The following NSD2 variants were observed in gnomAD, a reference collection of about 807,000 sequenced individuals.
NSD2 encodes histone-lysine N-methyltransferase NSD2.
In NSD2, 12 loss-of-function variants were observed where a neutral mutation model predicts 139.0. That is an observed-to-expected ratio of 0.09 (90% confidence interval 0.06 to 0.14). NSD2 has a LOEUF of 0.14. NSD2 is among the 10% of genes least tolerant of loss of function. NSD2 has a pLI of 1.00. For missense variants in NSD2, 1,155 were observed against 1,745.0 expected, an observed-to-expected ratio of 0.66 and a Z score of 6.02; for synonymous variants, 669 against 648.7, an observed-to-expected ratio of 1.03 and a Z score of -0.48.
Position 1,978,763 on chromosome 4 carries a change from G to T in NSD2, c.3952G>T (p.Asp1318Tyr). 6.2e-7 allele frequency: 1 copy of T among 1,614,112 alleles called. No individual in the cohort carries two copies. The highest frequency in any genetic ancestry group is 8.5e-7 in the Non-Finnish European group (1 of 1,179,962). ...CGGGACAGCCTTCAGCTGCACCCCG[G>T]ACGGGCGGTCCTACTGCTGTGAGCA... ...QDGTAFSCTPDGRSYCCEHDL... is the reference protein window; with the variant it reads ...QDGTAFSCTPYGRSYCCEHDL... Residue 1318 changes from aspartate (D) to tyrosine (Y), a missense_variant, in exon 22 of 22, where the codon GAC becomes TAC. Around this residue, in one of 8 missense-constraint regions of NSD2, gnomAD observed 132 missense variants for 94.3 expected, o/e 1.40. Transcript: ENST00000508803.
At chr4:1,951,305 T>G (rs1486831851) in intron 10 of NSD2, 102 bp downstream of exon 10, 2 of 1,489,606 alleles carry the variant, frequency 1.3e-6, no homozygotes, top group Non-Finnish European at 9.1e-7. Flanking sequence ...ACCAGACCCC[T>G]TCCCCAATCT....
rs780161848 is a variant in NSD2 at position 1,873,752 on chromosome 4, A to AG, written c.-30+2212dup. Among the ~76,000 whole-genome samples, 28 of 152,144 alleles carry AG rather than the reference A, an allele frequency of 1.8e-4. 1 individual carries two copies. The highest frequency in any genetic ancestry group is 3.4e-4 in the Non-Finnish European group (23 of 68,030). On this transcript the variant is annotated intron_variant, in intron 1 of 21. Transcript: ENST00000508803. Reference sequence around the variant, plus strand: ...AAAACATGCAAAAGTAGCTGGAATTAGGCTTACTAAGCTACAGGATTCTCT... The same window carrying AG: ...AAAACATGCAAAAGTAGCTGGAATTAGGGCTTACTAAGCTACAGGATTCTCT...
intron 6 of NSD2, among the ~76,000 whole-genome samples, chr4:1,934,185 A>C (rs1475685160): frequency 6.6e-6 from 1 of 151,612 alleles, no homozygotes; most frequent in East Asian, 2.0e-4. Flanking sequence ...TCCTGGGTTC[A>C]AGCGATTCTT....
intron 1 of NSD2, among the ~76,000 whole-genome samples, chr4:1,884,338 T>C (rs929753160): frequency 6.6e-6 from 1 of 152,078 alleles, no homozygotes; most frequent in African/African-American, 2.4e-5. Flanking sequence ...TCAAGTGATC[T>C]GGCCCACCTT....
At position 1,944,360 on chromosome 4, in the gene NSD2, C is replaced by T. The variant is rs965613735; in HGVS notation, c.1881+4582C>T. ...GAAATTCATTATGCTGCTAATTTAA[C>T]GTGGAATTCCTTCATTTCATAAGAA... On this transcript the variant is annotated intron_variant, in intron 9 of 21. Transcript: ENST00000508803. 103 of 1,065,844 alleles carry T rather than the reference C, an allele frequency of 9.7e-5. 1 individual carries two copies. The highest frequency in any genetic ancestry group is 9.4e-4 in the East Asian group (19 of 20,136). The allele number at this position is 1,065,844 out of a possible 1,614,324, so 66.0% of individuals were successfully genotyped here.
At chr4:1,886,002 A>C (rs1357879010) in intron 1 of NSD2, among the ~76,000 whole-genome samples, 1 of 152,258 alleles carries the variant, frequency 6.6e-6, no homozygotes, top group African/African-American at 2.4e-5. Context: ...TGTAGAATAC[A>C]GAAAAGTGGA....
chr4:1,911,602 A>AAAAAAG (rs1718691914), intron 3 of NSD2, among the ~76,000 whole-genome samples: 1 of 147,736 alleles, frequency 6.8e-6, no homozygotes. Context: ...AAAAAAAAAA[A>AAAAAAG]AAAAAGAAAA....
In NSD2 at chr4:1,955,553, C is replaced by T. The variant is rs1313157013; in HGVS notation, c.2519-140C>T. On this transcript the variant is annotated intron_variant, in intron 13 of 21. Transcript: ENST00000508803. This position sits in a 1 kb window ranked among gnomAD's most constrained non-coding sequence, Gnocchi z 4.7. ...ATTTGTGGTGAAAATGACATTTGCT[C>T]TCGTGCTGATGTACAGATCGCTGTT... The T allele has an allele frequency of 2.7e-5, 34 of 1,255,528 alleles. No homozygotes were observed. Among genetic ancestry groups the T allele is most frequent in the Admixed American group, 1.4e-4 (5 of 34,990 alleles). The allele number at this position is 1,255,528 out of a possible 1,614,324, so 77.8% of individuals were successfully genotyped here.
intron 3 of NSD2, among the ~76,000 whole-genome samples, chr4:1,909,829 T>A (rs1222567395): frequency 6.6e-6 from 1 of 151,880 alleles, no homozygotes; most frequent in Non-Finnish European, 1.5e-5. Context: ...TTAGTAGAGC[T>A]GGGGTTTCAC....
At chr4:1,943,264 C>T (rs1723285802) in intron 9 of NSD2, 2 of 1,043,728 alleles carry the variant, frequency 1.9e-6, no homozygotes, top group African/African-American at 1.7e-5. Context: ...ACAGTTAATT[C>T]CCGGCAGATT....
chr4:1,905,913 G>A (rs112889000), intron 3 of NSD2, among the ~76,000 whole-genome samples: 1 of 152,162 alleles, frequency 6.6e-6, no homozygotes, highest in East Asian at 1.9e-4. Flanking sequence ...ATAAATGCTG[G>A]TTGAGACAGA....
At chr4:1,886,056 A>G (rs1277947828) in intron 1 of NSD2, among the ~76,000 whole-genome samples, 7 of 152,242 alleles carry the variant, frequency 4.6e-5, no homozygotes, top group Admixed American at 2.0e-4. Flanking sequence ...ATGTTGAAGC[A>G]TATTTTCTGC....
chr4:1,880,784 G>A (rs1714642939), intron 1 of NSD2, among the ~76,000 whole-genome samples: 1 of 152,136 alleles, frequency 6.6e-6, no homozygotes, highest in Admixed American at 6.5e-5. Context: ...AAATGAAGGG[G>A]ACTGATGACA....
chr4:1,891,749 C>T (rs903928396), intron 1 of NSD2, among the ~76,000 whole-genome samples: 6 of 150,678 alleles, frequency 4.0e-5, no homozygotes, highest in African/African-American at 7.3e-5. Flanking sequence ...TCCAGCTACT[C>T]GGCAGGCTGA....
intron 5 of NSD2, among the ~76,000 whole-genome samples, chr4:1,922,449 G>A (rs541025574): frequency 4.1e-4 from 62 of 152,276 alleles, no homozygotes; most frequent in African/African-American, 1.4e-3. Flanking sequence ...TTATATATAG[G>A]AAGATTCAAG....
Position 1,978,633 on chromosome 4 carries a change from T to C in NSD2, c.3827-5T>C. 1 of 1,599,848 alleles carries C rather than the reference T, an allele frequency of 6.3e-7. No individual in the cohort carries two copies. On this transcript the variant is annotated splice_region_variant and splice_polypyrimidine_tract_variant and intron_variant, in intron 21 of 21. Coordinates refer to ENST00000508803, the MANE Select transcript of NSD2 (RefSeq NM_001042424.3). ...TGTGTGCTCACATCTTGTGTTCTGT[T>C]GCAGGGAAGTGGGAATGTCCTTGGC...
At position 1,976,655 on chromosome 4, in the gene NSD2, C is replaced by T. The variant is rs1305262219; in HGVS notation, c.3802C>T (p.Leu1268=). Residue 1268 remains leucine, a synonymous_variant, in exon 21 of 22, where the codon CTG becomes TTG. Coordinates refer to ENST00000508803, the MANE Select transcript of NSD2 (RefSeq NM_001042424.3). This position sits in a 1 kb window ranked among gnomAD's most constrained non-coding sequence, Gnocchi z 5.3. ...FCTKAYHLSC[L]GLGKRPFGKW... is the part of the protein sequence containing the mutation. ...CACCAAGGCCTACCACCTGTCCTGC[C>T]TGGGCCTTGGCAAGCGGCCCTTCGG... The T allele has an allele frequency of 1.9e-6, 3 of 1,595,988 alleles. No individual in the cohort carries two copies. Among genetic ancestry groups the T allele is most frequent in the Non-Finnish European group, 2.6e-6 (3 of 1,171,498 alleles).
intron 5 of NSD2, among the ~76,000 whole-genome samples, chr4:1,927,596 A>G (rs779548268): frequency 5.3e-5 from 8 of 151,552 alleles, no homozygotes; most frequent in Admixed American, 1.3e-4. Flanking sequence ...GTGCATGCCT[A>G]TAATCCCAGC....
intron 20 of NSD2, 189 bp downstream of exon 20, chr4:1,975,589 T>C (rs932665280): frequency 6.9e-6 from 4 of 577,738 alleles, no homozygotes; most frequent in Non-Finnish European, 1.2e-5. Flanking sequence ...AGTTCCTCAC[T>C]GAACGTGTTT....
Sources: gnomAD v4.1 joint callset for allele counts (sites outside exome capture counted in the v4.1 genomes callset) on GRCh38, gnomAD v4.1.1 for gene constraint, gnomAD v4.1.1 regional missense constraint, Gnocchi (gnomAD v3.1) non-coding constraint, MANE v1.5 for transcripts, NCBI Gene and HGNC (gene_info 2026-07-23, HGNC 2026-07-21) for gene names.